TGM5: variants seen among roughly 807,000 people sequenced by gnomAD.
TGM5 encodes the protein protein-glutamine gamma-glutamyltransferase 5.
TGM5 carries 69 observed loss-of-function variants against 77.2 expected under a neutral mutation model. The ratio of observed to expected loss-of-function variants is 0.89; its 90% CI spans 0.74 to 1.09. The LOEUF (loss-of-function observed/expected upper bound fraction) is 1.09, where lower values mean the gene tolerates loss of function less well. Ranked by LOEUF, TGM5 falls within the 50% of genes least tolerant of loss-of-function variation. The pLI is 0.00. For synonymous variants in TGM5, 346 were observed against 351.8 expected (o/e 0.98, Z 0.18); for missense variants, 842 against 896.5 (o/e 0.94, Z 0.78).
rs79917097 is a variant in TGM5, at chr15:43,256,772, C to T, written c.437-86G>A. ...CTCATCCCCACAGTCCCAGAGGAAA[C>T]GGTTCTGGAGCAAGGGCCCCTGGCG... is the stretch of plus-strand genomic sequence containing the variant. On this transcript the variant is annotated intron_variant, in intron 3 of 12. Transcript: ENST00000220420. 4.4e-3 allele frequency: 4,605 copies of T among 1,053,124 alleles called. 141 individuals are homozygous for T. In the East Asian group the frequency reaches 0.063, roughly 14 times the overall value. 65.2% of individuals were successfully genotyped at this position (1,053,124 alleles called of 1,614,324 possible). A position where few individuals can be genotyped will look rare whatever the true frequency, so the allele number is the denominator to read the frequency against.
intron 1 of TGM5, among the ~76,000 whole-genome samples, chr15:43,265,989 A>G (rs1015765314): frequency 2.0e-5 from 3 of 152,242 alleles, no homozygotes; most frequent in Non-Finnish European, 4.4e-5. Flanking sequence ...ACACATGCTA[A>G]TCCTATGTAT....
chr15:43,258,202 C>T (rs1414660678), intron 3 of TGM5, among the ~76,000 whole-genome samples: 1 of 149,346 alleles, frequency 6.7e-6, no homozygotes, highest in East Asian at 2.0e-4. Context: ...ATGTTGTGCA[C>T]ACATACCATA....
chr15:43,233,001 C>G lies in TGM5; in HGVS notation c.*190G>C. 1 of 691,030 alleles carries G rather than the reference C, an allele frequency of 1.4e-6. No homozygotes were observed. Among genetic ancestry groups the G allele is most frequent in the South Asian group, 1.9e-5 (1 of 52,310 alleles). The allele number at this position is 691,030 out of a possible 1,614,324, so 42.8% of individuals were successfully genotyped here. A position where few individuals can be genotyped will look rare whatever the true frequency, so the allele number is the denominator to read the frequency against. On this transcript the variant is annotated 3_prime_UTR_variant, in exon 13 of 13. Coordinates refer to ENST00000220420, the MANE Select transcript of TGM5 (RefSeq NM_201631.4). Reference sequence around the variant, plus strand: ...ATAGGGGTAGTAAACAAAGCAAAGTCTTTGCCCTCATGGAGCTTAAATTTC... The same window carrying G: ...ATAGGGGTAGTAAACAAAGCAAAGTGTTTGCCCTCATGGAGCTTAAATTTC...
chr15:43,254,259 G>C (rs895510360), intron 4 of TGM5, among the ~76,000 whole-genome samples: 1 of 152,130 alleles, frequency 6.6e-6, no homozygotes, highest in African/African-American at 2.4e-5. Context: ...CCCTCTCCGC[G>C]TGAGACTCAG....
At chr15:43,237,337 G>T (rs904314901) in intron 9 of TGM5, among the ~76,000 whole-genome samples, 1 of 152,172 alleles carries the variant, frequency 6.6e-6, no homozygotes, top group Non-Finnish European at 1.5e-5. Context: ...AAGTGCTAAA[G>T]AATTTACATC....
chr15:43,238,828 T>C lies in TGM5; in HGVS notation c.1334A>G (p.Lys445Arg), dbSNP rs775718761. 4 of 1,613,948 alleles carry C rather than the reference T, an allele frequency of 2.5e-6. No individual in the cohort carries two copies. In the East Asian group the frequency reaches 6.7e-5, roughly 27 times the overall value. ...GCTTGCTTACTTACCTTCTTCATACTTGTAGTTCTCTGTGATGTCATCCCG... is the reference window on the plus strand; with the variant it reads ...GCTTGCTTACTTACCTTCTTCATACCTGTAGTTCTCTGTGATGTCATCCCG... ...DERDDITENY[K>R]YEEGSLQERQ... The change falls in exon 9 of 13, where the codon AAG becomes AGG. Residue 445 changes from lysine (K) to arginine (R), a missense_variant. By Grantham distance (26) the Lys-to-Arg change is conservative. Coordinates refer to ENST00000220420, the MANE Select transcript of TGM5 (RefSeq NM_201631.4).
At chr15:43,261,087 T>TTG (rs1566837508) in intron 1 of TGM5, among the ~76,000 whole-genome samples, 13 of 119,452 alleles carry the variant, frequency 1.1e-4, no homozygotes, top group South Asian at 3.1e-4. Context: ...TTTTTTTTTT[T>TTG]TTTTTTTTTT....
chr15:43,245,642 A>G (rs2042664465), intron 6 of TGM5, among the ~76,000 whole-genome samples: 1 of 152,154 alleles, frequency 6.6e-6, no homozygotes, highest in Non-Finnish European at 1.5e-5. Context: ...GGTGGGGGCA[A>G]TTAAGAACTG....
chr15:43,252,602 C>G (rs905228487), intron 6 of TGM5, among the ~76,000 whole-genome samples, 157 bp downstream of exon 6: 2 of 152,198 alleles, frequency 1.3e-5, no homozygotes, highest in African/African-American at 4.8e-5. Flanking sequence ...AGGTGTGAGC[C>G]ACCGTGCCCG....
At chr15:43,245,301 A>G (rs1344717178) in intron 6 of TGM5, among the ~76,000 whole-genome samples, 1 of 152,158 alleles carries the variant, frequency 6.6e-6, no homozygotes. Flanking sequence ...GTAATTGAGT[A>G]TAAATGTGAT....
At chr15:43,253,451 G>C (rs909480177) in intron 5 of TGM5, 55 bp downstream of exon 5, 1 of 1,602,392 alleles carries the variant, frequency 6.2e-7, no homozygotes, top group African/African-American at 1.3e-5. Context: ...ACTGTGAGTG[G>C]GCAGGGCTCC....
intron 6 of TGM5, among the ~76,000 whole-genome samples, chr15:43,246,404 TCAA>T (rs2042670343): frequency 6.6e-6 from 1 of 152,152 alleles, no homozygotes; most frequent in Non-Finnish European, 1.5e-5. Flanking sequence ...GGCATCAAGG[TCAA>T]CATCAACAGT....
intron 6 of TGM5, 33 bp downstream of exon 6, chr15:43,252,726 T>G (rs1174683413): frequency 6.2e-7 from 1 of 1,612,280 alleles, no homozygotes; most frequent in South Asian, 1.1e-5. Flanking sequence ...GCTATACTTC[T>G]GACCTTTTTG....
Position 43,260,278 on chromosome 15 carries a change from G to T in TGM5, c.210C>A (p.Ala70=). 1 of 1,614,060 alleles carries T rather than the reference G, an allele frequency of 6.2e-7. No homozygotes were observed. Among genetic ancestry groups the T allele is most frequent in the African/African-American group, 1.3e-5 (1 of 75,060 alleles). The change falls in exon 3 of 13, where the codon GCC becomes GCA. Residue 70 remains alanine, a synonymous_variant. Coordinates refer to ENST00000220420, the MANE Select transcript of TGM5 (RefSeq NM_201631.4). ...GGCTGAACACAGCCCGAGTCCCCAA[G>T]GCCAGGTCTGGCAGCGGTCCTAGGA... The part of the protein sequence containing the change: ...VVETGPLPDL[A]LGTRAVFSLA...
chr15:43,252,985 C>T, intron 5 of TGM5, 49 bp from the exon 6 acceptor site: 2 of 1,598,878 alleles, frequency 1.3e-6, no homozygotes, highest in Non-Finnish European at 1.7e-6. Context: ...ATTTCCTCAA[C>T]ATGCCATGTG....
In TGM5 at chr15:43,238,072, C is replaced by A. The variant is rs2042603444; in HGVS notation, c.1345+745G>T. Among the ~76,000 whole-genome samples, 3 of 152,280 alleles carry A rather than the reference C, an allele frequency of 2.0e-5. No individual in the cohort carries two copies. The South Asian group carries it at 6.2e-4, about 32-fold the overall frequency. On this transcript the variant is annotated intron_variant, in intron 9 of 12. Transcript: ENST00000220420. Reference sequence around the variant, plus strand: ...ATTCTGGAGCCTCCCTGCGTCTGTCCCCGAGGCCCACGTAGACGAACCACA... The same window carrying A: ...ATTCTGGAGCCTCCCTGCGTCTGTCACCGAGGCCCACGTAGACGAACCACA...
At chr15:43,252,629 G>A in intron 6 of TGM5, 130 bp downstream of exon 6, 1 of 1,223,176 alleles carries the variant, frequency 8.2e-7, no homozygotes, top group Non-Finnish European at 1.2e-6. Context: ...ACATTTCAGA[G>A]AGGAAAAGGG....
intron 1 of TGM5, among the ~76,000 whole-genome samples, chr15:43,261,293 G>A (rs2042789233): frequency 6.6e-6 from 1 of 151,928 alleles, no homozygotes; most frequent in Non-Finnish European, 1.5e-5. Flanking sequence ...GTTTCACCGT[G>A]TTAGCGAGAA....
At chr15:43,233,481 C>T (rs2042562150) in intron 12 of TGM5, 73 bp downstream of exon 12, 1 of 1,613,206 alleles carries the variant, frequency 6.2e-7, no homozygotes, top group South Asian at 1.1e-5. Flanking sequence ...GGCTCAGGAA[C>T]CCATGTTCAG....
Sources: gnomAD v4.1 joint callset for allele counts (sites outside exome capture counted in the v4.1 genomes callset) on GRCh38, gnomAD v4.1.1 for gene constraint, MANE v1.5 for transcripts, NCBI Gene and HGNC (gene_info 2026-07-23, HGNC 2026-07-21) for gene names.